Variants in CNOT1 observed in about 807,000 individuals in gnomAD.
CNOT1 encodes CCR4-associated factor 1.
In CNOT1, 15 loss-of-function variants were observed where a neutral mutation model predicts 273.8. That is an observed-to-expected ratio of 0.05 (90% confidence interval 0.04 to 0.08). The LOEUF (loss-of-function observed/expected upper bound fraction) is 0.08. Among genes scored for constraint, CNOT1 ranks in the 10% least tolerant of loss-of-function variants. The pLI is 1.00. For missense variants in CNOT1, 1,644 were observed against 2,912.2 expected (o/e 0.56, Z 10.02); for synonymous variants, 1,022 against 1,005.5 (o/e 1.02, Z -0.31).
At chr16:58,535,941 A>T (rs1336441795) in intron 39 of CNOT1, among the ~76,000 whole-genome samples, 1 of 151,982 alleles carries the variant, frequency 6.6e-6, no homozygotes, top group African/African-American at 2.4e-5. Context: ...TCACTGTGTT[A>T]GCCAGGATGG....
intron 1 of CNOT1, among the ~76,000 whole-genome samples, chr16:58,621,462 G>A (rs1032801914): frequency 6.6e-6 from 1 of 151,238 alleles, no homozygotes; most frequent in Non-Finnish European, 1.5e-5. Context: ...CAGTGGATAC[G>A]GGGTTTCTCC....
chr16:58,544,051 A>AGCT lies in CNOT1; in HGVS notation c.4138-149_4138-148insAGC, dbSNP rs1369207413. ...AGTTAACCAATGGAAAATTCGGGTA[A>AGCT]CAGAAACTGAGCTCCATACAGGGAA... is the stretch of plus-strand genomic sequence containing the variant. On this transcript the variant is annotated intron_variant, in intron 30 of 48. Coordinates refer to ENST00000317147, the MANE Select transcript of CNOT1 (RefSeq NM_016284.5). 9.9e-6 allele frequency: 13 copies of AGCT among 1,319,568 alleles called. No individual in the cohort carries two copies. In the African/African-American group the frequency reaches 1.5e-4, roughly 15 times the overall value. 81.7% of individuals were successfully genotyped at this position (1,319,568 alleles called of 1,614,324 possible).
chr16:58,601,771 A>T (rs1003138418), intron 1 of CNOT1, among the ~76,000 whole-genome samples: 17 of 142,158 alleles, frequency 1.2e-4, no homozygotes, highest in Non-Finnish European at 2.6e-4. Context: ...GCACGGTGGC[A>T]AACACCTGTA....
chr16:58,541,260 T>C (rs138468977), intron 34 of CNOT1, among the ~76,000 whole-genome samples: 1 of 152,108 alleles, frequency 6.6e-6, no homozygotes, highest in Non-Finnish European at 1.5e-5. Flanking sequence ...TATGTTACCA[T>C]GAGAATTCCC....
rs143034739 is a variant in CNOT1, at chr16:58,565,719, G to C, written c.1980-5357C>G. The stretch of plus-strand genomic sequence containing the variant: ...GCACTCTGGGAGGCAGAGGTGGGCA[G>C]ATCACTTGAGGTCAGGAAGTTCAAG... On this transcript the variant is annotated intron_variant, in intron 16 of 48. Coordinates refer to ENST00000317147, the MANE Select transcript of CNOT1 (RefSeq NM_016284.5). Among the ~76,000 whole-genome samples the C allele has an allele frequency of 3.3e-3, 502 of 152,258 alleles. 9 individuals are homozygous for C. The highest frequency in any genetic ancestry group is 0.024 in the Admixed American group (374 of 15,288).
At chr16:58,629,243 T>A (rs986940122) in intron 1 of CNOT1, among the ~76,000 whole-genome samples, 1 of 151,896 alleles carries the variant, frequency 6.6e-6, no homozygotes. Flanking sequence ...ACTGGAAACA[T>A]GCAAAAACTC....
intron 2 of CNOT1, among the ~76,000 whole-genome samples, chr16:58,594,090 C>A (rs772631114): frequency 6.6e-6 from 1 of 151,864 alleles, no homozygotes. Context: ...ACTAAAAATA[C>A]AAAATTAGCT....
intron 42 of CNOT1, 165 bp from the exon 43 acceptor site, chr16:58,530,512 G>A (rs1200625312): frequency 8.8e-6 from 4 of 455,632 alleles, no homozygotes; most frequent in Non-Finnish European, 1.1e-5. Context: ...GCCAGGCACG[G>A]TGGCTGACGC....
chr16:58,613,527 G>A (rs1183526706), intron 1 of CNOT1, among the ~76,000 whole-genome samples: 1 of 123,362 alleles, frequency 8.1e-6, no homozygotes, highest in Non-Finnish European at 1.9e-5. Context: ...TTTTTCTCCA[G>A]GCAATGACCA....
intron 33 of CNOT1, among the ~76,000 whole-genome samples, chr16:58,542,001 A>T (rs2040109457): frequency 6.6e-6 from 1 of 152,226 alleles, no homozygotes; most frequent in South Asian, 2.1e-4. Flanking sequence ...CAGGCACATG[A>T]ACTCCTTAGA....
In CNOT1 at chr16:58,545,499, T is replaced by C. The variant is rs1445001347; in HGVS notation, c.4007-8A>G. Reference sequence around the variant, plus strand: ...CTGGTGTAGTAGAAGTTGCTAAATGTCAAGTAATAAAAAGAGATTTAAAAA... The same window carrying C: ...CTGGTGTAGTAGAAGTTGCTAAATGCCAAGTAATAAAAAGAGATTTAAAAA... On this transcript the variant is annotated splice_region_variant and splice_polypyrimidine_tract_variant and intron_variant, in intron 29 of 48. Coordinates refer to ENST00000317147, the MANE Select transcript of CNOT1 (RefSeq NM_016284.5). The C allele has an allele frequency of 1.2e-6, 2 of 1,613,270 alleles. No individual in the cohort carries two copies. Among genetic ancestry groups the C allele is most frequent in the East Asian group, 2.2e-5 (1 of 44,878 alleles).
At chr16:58,533,803 C>T (rs369885585) in intron 40 of CNOT1, among the ~76,000 whole-genome samples, 38 of 151,898 alleles carry the variant, frequency 2.5e-4, no homozygotes, top group South Asian at 8.3e-4. Flanking sequence ...CCAGTCTGGG[C>T]GACAGAGCGA....
intron 1 of CNOT1, among the ~76,000 whole-genome samples, chr16:58,610,038 T>A (rs1294995746): frequency 6.6e-6 from 1 of 152,190 alleles, no homozygotes; most frequent in African/African-American, 2.4e-5. Context: ...AGAGGCTTAA[T>A]GTAATAAATA....
At chr16:58,627,017 T>C (rs946909328) in intron 1 of CNOT1, among the ~76,000 whole-genome samples, 1 of 152,058 alleles carries the variant, frequency 6.6e-6, no homozygotes, top group Non-Finnish European at 1.5e-5. Context: ...ATTAGAATTA[T>C]TGTGGACAAA....
intron 6 of CNOT1, 134 bp from the exon 7 acceptor site, chr16:58,586,882 C>T (rs1402547250): frequency 1.9e-6 from 2 of 1,079,790 alleles, no homozygotes; most frequent in East Asian, 2.4e-5. Flanking sequence ...CTTTCTCTAG[C>T]TGACAGGTAT....
chr16:58,576,200 T>C (rs1864900535), intron 14 of CNOT1, among the ~76,000 whole-genome samples: 1 of 151,942 alleles, frequency 6.6e-6, no homozygotes, highest in Non-Finnish European at 1.5e-5. Flanking sequence ...AACCTCCGCC[T>C]CCCAGGTTCA....
At chr16:58,590,030 TTTG>T (rs1378623103) in intron 2 of CNOT1, among the ~76,000 whole-genome samples, 1 of 152,258 alleles carries the variant, frequency 6.6e-6, no homozygotes, top group Admixed American at 6.5e-5. Context: ...TACCTGCTAA[TTTG>T]TTTATTGAAA....
intron 1 of CNOT1, among the ~76,000 whole-genome samples, chr16:58,620,961 T>C (rs556681183): frequency 1.3e-5 from 2 of 152,018 alleles, no homozygotes; most frequent in Non-Finnish European, 2.9e-5. Flanking sequence ...ATAATGGAGA[T>C]TAGTTAGAAA....
intron 47 of CNOT1, among the ~76,000 whole-genome samples, chr16:58,522,176 G>C (rs535667237): frequency 7.1e-6 from 1 of 140,280 alleles, no homozygotes; most frequent in African/African-American, 2.8e-5. Flanking sequence ...AAAATTAGCC[G>C]GACGTGGTGG....
Sources: allele counts gnomAD v4.1 joint callset (sites outside exome capture counted in the v4.1 genomes callset), GRCh38; gene constraint gnomAD v4.1.1; transcripts MANE v1.5; gene names NCBI Gene and HGNC (gene_info 2026-07-23, HGNC 2026-07-21).